Variants in DECR1 observed in about 807,000 individuals in gnomAD.
DECR1 encodes the protein 2,4-dienoyl-CoA reductase [(3E)-enoyl-CoA-producing], mitochondrial.
A neutral mutation model predicts 38.8 loss-of-function variants in DECR1; 44 were observed. The ratio of observed to expected loss-of-function variants is 1.13; its 90% CI spans 0.89 to 1.46. The LOEUF is 1.46. DECR1 is among the 40% of genes most tolerant of loss of function. DECR1 has a pLI of 0.00. For synonymous variants in DECR1, 148 were observed against 135.2 expected, an observed-to-expected ratio of 1.09 and a Z score of -0.66; for missense variants, 428 against 405.5, an observed-to-expected ratio of 1.06 and a Z score of -0.48.
chr8:90,040,641 C>T (rs1409655948), intron 6 of DECR1, among the ~76,000 whole-genome samples: 1 of 152,094 alleles, frequency 6.6e-6, no homozygotes, highest in Non-Finnish European at 1.5e-5. Flanking sequence ...CACCCCTTGA[C>T]AGACCCAGTG....
chr8:90,024,131 G>A (rs1339115628), intron 5 of DECR1, among the ~76,000 whole-genome samples: 1 of 152,094 alleles, frequency 6.6e-6, no homozygotes, highest in East Asian at 1.9e-4. Flanking sequence ...TGGACATTTG[G>A]GTTGGTTCCA....
rs770345828 is a variant in DECR1 at position 90,017,313 on chromosome 8, G to A, written c.259G>A (p.Val87Met). The stretch of plus-strand genomic sequence containing the variant: ...TCTGTCCAGCCTAGGTGCTCAGTGC[G>A]TGATAGCCAGCCGGTAAGTCCCTTA... ...TLLSSLGAQC[V>M]IASRKMDVLK... The change falls in exon 2 of 10, where the codon GTG becomes ATG. Residue 87 changes from valine (V) to methionine (M), a missense_variant. Coordinates refer to ENST00000220764, the MANE Select transcript of DECR1 (RefSeq NM_001359.2). 9.3e-6 allele frequency: 15 copies of A among 1,613,872 alleles called. No homozygotes were observed. The highest frequency in any genetic ancestry group is 1.7e-5 in the Admixed American group (1 of 59,968).
chr8:90,010,888 C>T (rs1041550485), intron 1 of DECR1, among the ~76,000 whole-genome samples: 13 of 152,022 alleles, frequency 8.6e-5, no homozygotes, highest in South Asian at 2.1e-4. Context: ...TTTTCCTCTA[C>T]GTACTTCTTG....
chr8:90,005,538 T>C (rs1238800836), intron 1 of DECR1: 2 of 427,628 alleles, frequency 4.7e-6, no homozygotes, highest in African/African-American at 2.0e-5. Context: ...TCTCCCGAAG[T>C]AGGCGGACTT....
chr8:90,036,834 A>G lies in DECR1; in HGVS notation c.566-7A>G. On this transcript the variant is annotated splice_region_variant and splice_polypyrimidine_tract_variant and intron_variant, in intron 5 of 9. Coordinates refer to ENST00000220764, the MANE Select transcript of DECR1 (RefSeq NM_001359.2). Reference sequence around the variant, plus strand: ...TGCTAATCAACTGTATCCTTTTAAAATTTCAGGAGCAGCATTTCTTTCTAT... The same window carrying G: ...TGCTAATCAACTGTATCCTTTTAAAGTTTCAGGAGCAGCATTTCTTTCTAT... 1 of 1,603,106 alleles carries G rather than the reference A, an allele frequency of 6.2e-7. No individual in the cohort carries two copies. The highest frequency in any genetic ancestry group is 8.5e-7 in the Non-Finnish European group (1 of 1,171,390).
chr8:90,050,056 C>T (rs912340077), intron 8 of DECR1, among the ~76,000 whole-genome samples: 1 of 152,178 alleles, frequency 6.6e-6, no homozygotes, highest in Non-Finnish European at 1.5e-5. Flanking sequence ...AAATGTTAGA[C>T]CTGAAACTAT....
chr8:90,010,145 AG>A, intron 1 of DECR1, among the ~76,000 whole-genome samples: 1 of 152,342 alleles, frequency 6.6e-6, no homozygotes, highest in Non-Finnish European at 1.5e-5. Context: ...TGAGAATATC[AG>A]TGGCCTCTGT....
At chr8:90,034,109 A>G (rs1813560573) in intron 5 of DECR1, among the ~76,000 whole-genome samples, 1 of 151,936 alleles carries the variant, frequency 6.6e-6, no homozygotes, top group African/African-American at 2.4e-5. Context: ...TCAAAATGGT[A>G]CTCCTGCCCC....
chr8:90,052,109 G>A lies in DECR1; in HGVS notation c.*212G>A. Reference sequence around the variant, plus strand: ...CAAAACATTAAAAAAAAAAAAAGGAGGCATGGGGAGAGTAGGTAAAGGCTC... The same window carrying A: ...CAAAACATTAAAAAAAAAAAAAGGAAGCATGGGGAGAGTAGGTAAAGGCTC... On this transcript the variant is annotated 3_prime_UTR_variant, in exon 10 of 10. Transcript: ENST00000220764. The A allele has an allele frequency of 2.0e-6, 1 of 510,398 alleles. No individual in the cohort carries two copies. 31.6% of individuals were successfully genotyped at this position (510,398 alleles called of 1,614,324 possible). A position where few individuals can be genotyped will look rare whatever the true frequency, so the allele number is the denominator to read the frequency against.
In DECR1 at chr8:90,001,577, GC is replaced by G. The variant is rs1253519977; in HGVS notation, c.69+17del. ...TCCTCGGAGGGTAAGGCGGCCGGGG[GC>G]GCGGGGAGCGAGGACAGGGCGTCTC... On this transcript the variant is annotated intron_variant, in intron 1 of 9. Transcript: ENST00000220764. The G allele has an allele frequency of 1.2e-6, 2 of 1,609,984 alleles. No homozygotes were observed. The highest frequency in any genetic ancestry group is 2.2e-5 in the South Asian group (2 of 90,902).
chr8:90,017,371 C>T, intron 2 of DECR1, 45 bp downstream of exon 2: 3 of 1,503,926 alleles, frequency 2.0e-6, no homozygotes, highest in Non-Finnish European at 2.7e-6. Flanking sequence ...TTTGAAGAAA[C>T]TGTTCTGTGC....
intron 1 of DECR1, among the ~76,000 whole-genome samples, chr8:90,008,522 T>C (rs114342073): frequency 2.8e-4 from 43 of 152,196 alleles, no homozygotes; most frequent in African/African-American, 1.0e-3. Flanking sequence ...ATGAGAGAGG[T>C]AGAAAAATCT....
rs543731647 is a variant in DECR1 at position 90,003,383 on chromosome 8, ATATT to A, written c.69+1827_69+1830del. Among the ~76,000 whole-genome samples the A allele has an allele frequency of 1.8e-3, 267 of 152,338 alleles. 1 individual carries two copies. The highest frequency in any genetic ancestry group is 6.3e-3 in the African/African-American group (260 of 41,582). On this transcript the variant is annotated intron_variant, in intron 1 of 9. Coordinates refer to ENST00000220764, the MANE Select transcript of DECR1 (RefSeq NM_001359.2). The stretch of plus-strand genomic sequence containing the variant: ...AATAGGCCTCATTTCAATTTAATAA[ATATT>A]TATTGAGGACTGGCTTTATGTCTGG...
intron 1 of DECR1, among the ~76,000 whole-genome samples, chr8:90,007,235 A>G (rs1417713035): frequency 6.6e-6 from 1 of 152,116 alleles, no homozygotes. Context: ...GAGGCAGAAG[A>G]GAGGGACAGG....
At chr8:90,046,890 A>G (rs1242608312) in intron 8 of DECR1, among the ~76,000 whole-genome samples, 2 of 152,238 alleles carry the variant, frequency 1.3e-5, no homozygotes, top group African/African-American at 4.8e-5. Flanking sequence ...CAACATTCTT[A>G]AAGAAAATAA....
intron 1 of DECR1, among the ~76,000 whole-genome samples, chr8:90,013,404 T>TG (rs1173197813): frequency 1.4e-5 from 2 of 139,284 alleles, no homozygotes; most frequent in African/African-American, 3.0e-5. Flanking sequence ...CTTTCGTTTT[T>TG]TTTTTTTTTT....
chr8:90,026,570 TCC>T (rs1432968877), intron 5 of DECR1, among the ~76,000 whole-genome samples: 2 of 152,292 alleles, frequency 1.3e-5, no homozygotes, highest in Admixed American at 1.3e-4. Flanking sequence ...GGTGGTGATA[TCC>T]CCTTTATCAT....
intron 8 of DECR1, among the ~76,000 whole-genome samples, chr8:90,049,880 A>G (rs1425597367): frequency 1.3e-5 from 2 of 152,200 alleles, no homozygotes; most frequent in Non-Finnish European, 2.9e-5. Context: ...CCACACATCT[A>G]CAACCATCTG....
At chr8:90,039,457 C>G (rs927992310) in intron 6 of DECR1, among the ~76,000 whole-genome samples, 2 of 152,176 alleles carry the variant, frequency 1.3e-5, no homozygotes, top group African/African-American at 2.4e-5. Context: ...AACTCACTCA[C>G]TATCATGAGA....
Sources: allele counts gnomAD v4.1 joint callset (sites outside exome capture counted in the v4.1 genomes callset), GRCh38; gene constraint gnomAD v4.1.1; transcripts MANE v1.5; gene names NCBI Gene and HGNC (gene_info 2026-07-23, HGNC 2026-07-21).